ASH1L: variants seen among roughly 807,000 people sequenced by gnomAD.
The protein encoded by ASH1L is histone-lysine N-methyltransferase ASH1L.
In ASH1L, 23 loss-of-function variants were observed where a neutral mutation model predicts 269.0. The observed-to-expected ratio is 0.09, with a 90% confidence interval of 0.06 to 0.12. The LOEUF (loss-of-function observed/expected upper bound fraction) is 0.12, where lower values mean the gene tolerates loss of function less well. ASH1L is among the 10% of genes least tolerant of loss of function. The pLI, the probability that ASH1L is intolerant of heterozygous loss-of-function variation, is 1.00. For synonymous variants in ASH1L, 1,187 were observed against 1,253.5 expected, an observed-to-expected ratio of 0.95 and a Z score of 1.12; for missense variants, 2,912 against 3,567.8, an observed-to-expected ratio of 0.82 and a Z score of 4.68.
intron 6 of ASH1L, among the ~76,000 whole-genome samples, chr1:155,414,456 T>C (rs1660046607): frequency 6.6e-6 from 1 of 152,054 alleles, no homozygotes; most frequent in Non-Finnish European, 1.5e-5. Context: ...ATTACAGGCA[T>C]GTGCCACCAC....
chr1:155,377,594 C>A (rs1030299268), intron 10 of ASH1L, among the ~76,000 whole-genome samples: 41 of 150,872 alleles, frequency 2.7e-4, no homozygotes, highest in African/African-American at 8.9e-4. Context: ...AAAACAAAAA[C>A]CCCAAAACAA....
intron 4 of ASH1L, among the ~76,000 whole-genome samples, chr1:155,452,633 C>T (rs1433288981): frequency 6.7e-6 from 1 of 150,042 alleles, no homozygotes; most frequent in Non-Finnish European, 1.5e-5. Flanking sequence ...CTTGGGTTTA[C>T]AACCTCTGCC....
intron 12 of ASH1L, among the ~76,000 whole-genome samples, chr1:155,364,954 C>T (rs971444376): frequency 8.0e-5 from 12 of 150,184 alleles, no homozygotes; most frequent in Non-Finnish European, 1.6e-4. Context: ...GGCTGCTCTG[C>T]GCCTATGGAG....
intron 2 of ASH1L, among the ~76,000 whole-genome samples, chr1:155,490,654 A>ACACACACACACACACT (rs1345649483): frequency 6.7e-6 from 1 of 148,252 alleles, no homozygotes; most frequent in African/African-American, 2.5e-5. Flanking sequence ...ATACACACAC[A>ACACACACACACACACT]CTCTCTCTCT....
intron 4 of ASH1L, among the ~76,000 whole-genome samples, chr1:155,441,334 G>T (rs565530195): frequency 6.8e-6 from 1 of 147,420 alleles, no homozygotes; most frequent in East Asian, 2.0e-4. Flanking sequence ...ACAAGCCCTT[G>T]GATTCAAGCT....
intron 2 of ASH1L, among the ~76,000 whole-genome samples, chr1:155,518,826 AAAG>A (rs1235385850): frequency 6.7e-6 from 1 of 150,132 alleles, no homozygotes; most frequent in East Asian, 2.0e-4. Flanking sequence ...GGAAGAAAGA[AAAG>A]AAGGAAGGAA....
At chr1:155,543,893 T>C (rs926019768) in intron 1 of ASH1L, among the ~76,000 whole-genome samples, 2 of 152,152 alleles carry the variant, frequency 1.3e-5, no homozygotes, top group African/African-American at 4.8e-5. Flanking sequence ...TAAGTCATGA[T>C]GGTGTCACTG....
intron 1 of ASH1L, among the ~76,000 whole-genome samples, chr1:155,549,143 G>A (rs1671026703): frequency 1.3e-5 from 2 of 152,148 alleles, no homozygotes; most frequent in South Asian, 4.1e-4. Context: ...GGGAGGTCGA[G>A]ACGAACCTGG....
chr1:155,358,546 G>C lies in ASH1L; in HGVS notation c.6796-797C>G, dbSNP rs1558028927. On this transcript the variant is annotated intron_variant, in intron 13 of 27. Transcript: ENST00000392403. ...TAAAAAAAATACAAAAAATTAGCTG[G>C]GTGTGGTGACAGGCACCTGTAGTCC... 2.0e-5 allele frequency among the ~76,000 whole-genome samples: 3 copies of C among 151,962 alleles called. No individual in the cohort carries two copies. In the South Asian group the frequency reaches 6.3e-4, roughly 32 times the overall value.
intron 3 of ASH1L, among the ~76,000 whole-genome samples, chr1:155,460,681 CTA>C (rs946331449): frequency 6.6e-6 from 1 of 152,092 alleles, no homozygotes; most frequent in African/African-American, 2.4e-5. Context: ...TTTTCAGATT[CTA>C]TGTTTTTCTT....
intron 4 of ASH1L, among the ~76,000 whole-genome samples, chr1:155,446,601 A>G (rs1333794661): frequency 1.4e-5 from 2 of 144,972 alleles, no homozygotes; most frequent in Non-Finnish European, 3.0e-5. Flanking sequence ...GCCTGGCTAC[A>G]TTTCAGTTTC....
At chr1:155,483,240 G>A (rs973823790) in intron 2 of ASH1L, among the ~76,000 whole-genome samples, 1 of 152,174 alleles carries the variant, frequency 6.6e-6, no homozygotes, top group Non-Finnish European at 1.5e-5. Flanking sequence ...TACTGTGTTT[G>A]TGGATAGGAA....
intron 6 of ASH1L, among the ~76,000 whole-genome samples, chr1:155,404,753 T>C (rs1659122497): frequency 6.6e-6 from 1 of 152,004 alleles, no homozygotes; most frequent in South Asian, 2.1e-4. Context: ...ATTGGAGGGC[T>C]GGGCGTGGTG....
chr1:155,495,575 ACT>A (rs1249558599), intron 2 of ASH1L, among the ~76,000 whole-genome samples: 1 of 152,168 alleles, frequency 6.6e-6, no homozygotes, highest in Non-Finnish European at 1.5e-5. Flanking sequence ...ACTGTACGAC[ACT>A]CTGGGAAAGT....
intron 5 of ASH1L, among the ~76,000 whole-genome samples, chr1:155,418,314 TAAC>T (rs1362750980): frequency 7.9e-5 from 12 of 152,092 alleles, no homozygotes; most frequent in East Asian, 1.9e-4. Flanking sequence ...AGAGAAGACT[TAAC>T]AACAACAACA....
At chr1:155,369,593 A>G (rs1009333186) in intron 12 of ASH1L, among the ~76,000 whole-genome samples, 2 of 152,054 alleles carry the variant, frequency 1.3e-5, no homozygotes, top group Non-Finnish European at 2.9e-5. Flanking sequence ...TTCCTTCTCA[A>G]TTAGATGCTA....
intron 2 of ASH1L, among the ~76,000 whole-genome samples, chr1:155,518,887 C>T (rs916672278): frequency 7.9e-5 from 12 of 151,950 alleles, no homozygotes; most frequent in Admixed American, 3.9e-4. Context: ...CTCATGAAGA[C>T]TCAGAGAAAT....
At position 155,354,467 on chromosome 1, in the gene ASH1L, C is replaced by T. The variant is rs1558024573; in HGVS notation, c.7213+6G>A. ...TCAAAAAAAAGAAATGTTTCAAATG[C>T]CTTACCAGACTTGATATTCCCATCA... is the stretch of plus-strand genomic sequence containing the variant. On this transcript the variant is annotated splice_donor_region_variant and intron_variant, in intron 16 of 27. Transcript: ENST00000392403. 1.2e-6 allele frequency: 2 copies of T among 1,604,662 alleles called. No homozygotes were observed. The highest frequency in any genetic ancestry group is 2.2e-5 in the East Asian group (1 of 44,772).
chr1:155,535,518 C>T (rs1211086640), intron 1 of ASH1L, among the ~76,000 whole-genome samples: 3 of 151,854 alleles, frequency 2.0e-5, no homozygotes, highest in African/African-American at 4.8e-5. Context: ...TGGTGGTTCA[C>T]GCCTGTAATC....
Sources: gnomAD v4.1 joint callset for allele counts (sites outside exome capture counted in the v4.1 genomes callset) on GRCh38, gnomAD v4.1.1 for gene constraint, MANE v1.5 for transcripts, NCBI Gene and HGNC (gene_info 2026-07-23, HGNC 2026-07-21) for gene names.